ZHX3: variants seen among roughly 807,000 people sequenced by gnomAD.
ZHX3 encodes zinc fingers and homeoboxes protein 3.
In ZHX3, 20 loss-of-function variants were observed where a neutral mutation model predicts 64.5. The ratio of observed to expected loss-of-function variants is 0.31; its 90% confidence interval spans 0.22 to 0.45. ZHX3 has a LOEUF of 0.45. ZHX3 is among the 20% of genes least tolerant of loss of function. The probability of loss-of-function intolerance (pLI) is 1.00; values close to 1 mark genes in which losing one functional copy is unlikely to be tolerated. For synonymous variants in ZHX3, 423 were observed against 461.6 expected, an observed-to-expected ratio of 0.92 and a Z score of 1.07; for missense variants, 1,041 against 1,195.8, an observed-to-expected ratio of 0.87 and a Z score of 1.91.
At chr20:41,267,336 C>G (rs1477999669) in intron 2 of ZHX3, 1 of 152,200 alleles carries the variant, frequency 6.6e-6, no homozygotes, top group African/African-American at 2.4e-5. Context: ...TTTTAACATA[C>G]AGTTTAAGAT....
At chr20:41,270,295 G>C (rs150914570) in intron 1 of ZHX3, among the ~76,000 whole-genome samples, 1 of 143,490 alleles carries the variant, frequency 7.0e-6, no homozygotes, top group African/African-American at 2.6e-5. Context: ...CAGAAGACTT[G>C]AACCCAGGAA....
chr20:41,199,003 CT>C (rs1402381025), intron 3 of ZHX3, among the ~76,000 whole-genome samples: 15 of 151,962 alleles, frequency 9.9e-5, no homozygotes, highest in Admixed American at 5.2e-4. Flanking sequence ...ATGCCCAAAT[CT>C]TTGTTGAATC....
Position 41,200,548 on chromosome 20 carries a change from C to A in ZHX3, c.2860+1509G>T, listed in dbSNP as rs2038131281. 6.6e-6 allele frequency among the ~76,000 whole-genome samples: 1 copy of A among 152,060 alleles called. No homozygotes were observed. The highest frequency in any genetic ancestry group is 6.6e-5 in the Admixed American group (1 of 15,248). On this transcript the variant is annotated intron_variant, in intron 3 of 3. Transcript: ENST00000683867. The surrounding 1 kb of genome is among the most constrained non-coding windows in gnomAD (Gnocchi z 4.2). ...TAAAGCAGGCTGTGAGCTGTGGGCC[C>A]CAAAGGAGGGGAGTGTTTTGTTGTT...
chr20:41,283,872 T>C (rs1391280737), intron 1 of ZHX3, among the ~76,000 whole-genome samples: 1 of 152,176 alleles, frequency 6.6e-6, no homozygotes, highest in African/African-American at 2.4e-5. Context: ...TTAGGAACAG[T>C]AATGGATAAT....
intron 2 of ZHX3, among the ~76,000 whole-genome samples, chr20:41,236,156 T>C (rs1272557955): frequency 6.6e-6 from 1 of 152,176 alleles, no homozygotes; most frequent in Admixed American, 6.5e-5. Context: ...TCCATGCTCA[T>C]GGGTAGGAAG....
At chr20:41,293,921 GT>G (rs2044373827) in intron 1 of ZHX3, among the ~76,000 whole-genome samples, 2 of 152,282 alleles carry the variant, frequency 1.3e-5, no homozygotes, top group African/African-American at 4.8e-5. Flanking sequence ...ATTTTCTGAT[GT>G]TTCTTGCCTA....
Position 41,204,623 on chromosome 20 carries a change from T to C in ZHX3, c.294A>G (p.Ser98=). The change falls in exon 3 of 4, where the codon TCA becomes TCG. Residue 98 remains serine (S), a synonymous_variant. Transcript: ENST00000683867. The surrounding 1 kb of genome is among the most constrained non-coding windows in gnomAD (Gnocchi z 6.6). ...DMTQFVGHMN[S]EHTDFNKDPT... is the part of the protein sequence containing the mutation. ...GGTCTTTATTAAAGTCTGTGTGCTC[T>C]GAGTTCATATGTCCCACAAATTGGG... is the stretch of plus-strand genomic sequence containing the variant. The C allele has an allele frequency of 1.2e-6, 2 of 1,614,272 alleles. No homozygotes were observed. Among genetic ancestry groups the C allele is most frequent in the Non-Finnish European group, 1.7e-6 (2 of 1,180,044 alleles).
chr20:41,184,179 T>C lies in ZHX3; in HGVS notation c.*1012A>G, dbSNP rs1168223649. 6.6e-6 allele frequency: 1 copy of C among 152,228 alleles called. No individual in the cohort carries two copies. Among genetic ancestry groups the C allele is most frequent in the African/African-American group, 2.4e-5 (1 of 41,446 alleles). 9.4% of individuals were successfully genotyped at this position (152,228 alleles called of 1,614,324 possible). A position where few individuals can be genotyped will look rare whatever the true frequency, so the allele number is the denominator to read the frequency against. On this transcript the variant is annotated 3_prime_UTR_variant, in exon 4 of 4. Transcript: ENST00000683867. ...CCCTTACTAATGGGCCAGTGTGTTA[T>C]TCCTTCCCAAACCATAGGAGGCTCT...
At chr20:41,187,989 T>G (rs1457960518) in intron 3 of ZHX3, among the ~76,000 whole-genome samples, 3 of 152,208 alleles carry the variant, frequency 2.0e-5, no homozygotes, top group Non-Finnish European at 4.4e-5. Context: ...GTCACACTAG[T>G]CTGCTATTTA....
At chr20:41,289,697 C>T (rs2044127981) in intron 1 of ZHX3, among the ~76,000 whole-genome samples, 1 of 144,360 alleles carries the variant, frequency 6.9e-6, no homozygotes, top group Non-Finnish European at 1.5e-5. Flanking sequence ...AAGACTGTCA[C>T]TTTTTTTTTT....
chr20:41,262,691 A>C (rs1425754544), intron 2 of ZHX3, among the ~76,000 whole-genome samples: 1 of 152,244 alleles, frequency 6.6e-6, no homozygotes, highest in Admixed American at 6.5e-5. Flanking sequence ...CACCCAGCTC[A>C]GGATCTGTTG....
intron 3 of ZHX3, among the ~76,000 whole-genome samples, chr20:41,190,125 T>C (rs2036884142): frequency 1.3e-5 from 2 of 152,200 alleles, no homozygotes; most frequent in Non-Finnish European, 2.9e-5. Context: ...AACTGAATGG[T>C]GTATGTTAAA....
intron 1 of ZHX3, among the ~76,000 whole-genome samples, chr20:41,297,706 GGTAA>G (rs373548014): frequency 2.6e-5 from 4 of 152,188 alleles, no homozygotes; most frequent in Non-Finnish European, 4.4e-5. Context: ...AGTTACCCAG[GGTAA>G]GTAAGTATGT....
chr20:41,282,361 C>CTTTATTTTTTTTTTTTTT (rs2043722246), intron 1 of ZHX3, among the ~76,000 whole-genome samples: 1 of 97,212 alleles, frequency 1.0e-5, no homozygotes, highest in Non-Finnish European at 2.0e-5. Context: ...CACAATTCAT[C>CTTTATTTTTTTTTTTTTT]TTTTTTTTTT....
Position 41,243,315 on chromosome 20 carries a change from G to A in ZHX3, c.-151+25675C>T, listed in dbSNP as rs150247005. The stretch of plus-strand genomic sequence containing the variant: ...GTGTAATTACCTGACGTGGCTGCCT[G>A]GAATTAAGATTGCCGCTATCAAGGT... On this transcript the variant is annotated intron_variant, in intron 2 of 3. Transcript: ENST00000683867. Among the ~76,000 whole-genome samples, 578 of 152,220 alleles carry A rather than the reference G, an allele frequency of 3.8e-3. 8 individuals are homozygous for A. Among genetic ancestry groups the A allele is most frequent in the East Asian group, 0.023 (117 of 5,188 alleles).
chr20:41,184,187 C>T lies in ZHX3; in HGVS notation c.*1004G>A, dbSNP rs1366312373. 1 of 152,228 alleles carries T rather than the reference C, an allele frequency of 6.6e-6. No individual in the cohort carries two copies. Among genetic ancestry groups the T allele is most frequent in the Non-Finnish European group, 1.5e-5 (1 of 68,070 alleles). The allele number at this position is 152,228 out of a possible 1,614,324, so 9.4% of individuals were successfully genotyped here. A position where few individuals can be genotyped will look rare whatever the true frequency, so the allele number is the denominator to read the frequency against. On this transcript the variant is annotated 3_prime_UTR_variant, in exon 4 of 4. Coordinates refer to ENST00000683867, the MANE Select transcript of ZHX3 (RefSeq NM_001384317.1). ...AATGGGCCAGTGTGTTATTCCTTCCCAAACCATAGGAGGCTCTGAAATGAG... is the reference window on the plus strand; with the variant it reads ...AATGGGCCAGTGTGTTATTCCTTCCTAAACCATAGGAGGCTCTGAAATGAG...
chr20:41,242,923 G>A (rs2041474659), intron 2 of ZHX3, among the ~76,000 whole-genome samples: 2 of 152,190 alleles, frequency 1.3e-5, no homozygotes, highest in Admixed American at 6.5e-5. Context: ...AAAGCTAAAT[G>A]TCTTATAATG....
chr20:41,208,116 C>T (rs1000767388), intron 2 of ZHX3, among the ~76,000 whole-genome samples: 4 of 152,184 alleles, frequency 2.6e-5, no homozygotes, highest in African/African-American at 9.7e-5. Context: ...TTCCTGGACA[C>T]ATACACCCTC....
At chr20:41,208,764 C>T (rs1265954810) in intron 2 of ZHX3, among the ~76,000 whole-genome samples, 1 of 152,168 alleles carries the variant, frequency 6.6e-6, no homozygotes, top group Non-Finnish European at 1.5e-5. Context: ...TGGAAGCATT[C>T]CCTTTGAAAA....
Sources: allele counts gnomAD v4.1 joint callset (sites outside exome capture counted in the v4.1 genomes callset), GRCh38; gene constraint gnomAD v4.1.1; non-coding constraint Gnocchi (gnomAD v3.1); transcripts MANE v1.5; gene names NCBI Gene and HGNC (gene_info 2026-07-23, HGNC 2026-07-21).